The following P2RX1 variants were observed in gnomAD, a reference collection of about 807,000 sequenced individuals.
P2RX1 encodes the protein P2X purinoceptor 1.
P2RX1 carries 42 observed loss-of-function variants against 50.3 expected under a neutral mutation model. The observed-to-expected ratio is 0.83, with a 90% CI of 0.65 to 1.08. The LOEUF (loss-of-function observed/expected upper bound fraction) is 1.08. Among genes scored for constraint, P2RX1 ranks in the 50% least tolerant of loss-of-function variants. The probability of loss-of-function intolerance (pLI) is 0.00; values close to 1 mark genes in which losing one functional copy is unlikely to be tolerated. For synonymous variants in P2RX1, 199 were observed against 202.6 expected (o/e 0.98, Z 0.15); for missense variants, 449 against 529.0 (o/e 0.85, Z 1.48).
At chr17:3,898,340 T>C in intron 10 of P2RX1, 144 bp downstream of exon 10, 1 of 783,998 alleles carries the variant, frequency 1.3e-6, no homozygotes, top group Non-Finnish European at 2.2e-6. Context: ...TAGATCTATG[T>C]AGTTGGTGGG....
At chr17:3,898,613 G>A (rs1166778944) in intron 9 of P2RX1, 64 bp from the exon 10 acceptor site, 3 of 1,305,548 alleles carry the variant, frequency 2.3e-6, no homozygotes, top group Admixed American at 1.8e-5. Context: ...GAAAAGGCCG[G>A]ACCTGGGACA....
chr17:3,897,480 A>T lies in P2RX1; in HGVS notation c.*334T>A, dbSNP rs1025563407. ...ACATCGGAGAGCACAGATCTAGAGA[A>T]ATGGAGGCAGCGGGTTGGATAATGA... On this transcript the variant is annotated 3_prime_UTR_variant, in exon 12 of 12. Transcript: ENST00000225538. 4.2e-5 allele frequency: 19 copies of T among 456,532 alleles called. No homozygotes were observed. Among genetic ancestry groups the T allele is most frequent in the Non-Finnish European group, 7.7e-5 (19 of 246,684 alleles). 28.3% of individuals were successfully genotyped at this position (456,532 alleles called of 1,614,324 possible).
chr17:3,906,883 A>G (rs771165888), intron 1 of P2RX1, among the ~76,000 whole-genome samples: 1 of 152,208 alleles, frequency 6.6e-6, no homozygotes, highest in Admixed American at 6.5e-5. Flanking sequence ...AGTTTCAGCA[A>G]TGAGGCCAGG....
chr17:3,914,922 C>T lies in P2RX1; in HGVS notation c.137+1167G>A, dbSNP rs187632051. Among the ~76,000 whole-genome samples, 4 of 152,260 alleles carry T rather than the reference C, an allele frequency of 2.6e-5. No individual in the cohort carries two copies. The highest frequency in any genetic ancestry group is 3.9e-4 in the East Asian group (2 of 5,184). ...GGGTCTGGCCCTGGGTCCACCTGGC[C>T]GGCTCTGAGGTTCTGGGGACTGGTG... On this transcript the variant is annotated intron_variant, in intron 1 of 11. Transcript: ENST00000225538. This position sits in a 1 kb window ranked among gnomAD's most constrained non-coding sequence, Gnocchi z 4.1.
chr17:3,910,077 C>T (rs112090103), intron 1 of P2RX1, among the ~76,000 whole-genome samples: 5,020 of 149,348 alleles, frequency 0.034, 249 homozygotes, highest in African/African-American at 0.11. Flanking sequence ...CGGATTCAAG[C>T]GATTTTCCTG....
intron 4 of P2RX1, 48 bp downstream of exon 4, chr17:3,904,282 G>T: frequency 6.4e-7 from 1 of 1,562,084 alleles, no homozygotes; most frequent in Non-Finnish European, 8.8e-7. Context: ...AGGACGTCAG[G>T]GACCGCAGCC....
intron 1 of P2RX1, among the ~76,000 whole-genome samples, chr17:3,907,457 T>C (rs1458824130): frequency 6.6e-6 from 1 of 152,068 alleles, no homozygotes; most frequent in Non-Finnish European, 1.5e-5. Context: ...CTCAAAGCAA[T>C]GGACTCCCTG....
intron 1 of P2RX1, among the ~76,000 whole-genome samples, chr17:3,911,621 C>T (rs1215465244): frequency 6.6e-6 from 1 of 152,126 alleles, no homozygotes; most frequent in East Asian, 1.9e-4. Context: ...CCAGGCCCTC[C>T]CCTGCTAGAC....
chr17:3,915,645 C>G (rs536448535), intron 1 of P2RX1: 36 of 458,840 alleles, frequency 7.8e-5, no homozygotes, highest in African/African-American at 5.8e-4. Flanking sequence ...CTTGCTCAGG[C>G]AGGGAAGCTG....
rs1597532203 is a variant in P2RX1, at chr17:3,914,038, C to A, written c.137+2051G>T. 6.6e-6 allele frequency among the ~76,000 whole-genome samples: 1 copy of A among 152,170 alleles called. No individual in the cohort carries two copies. The highest frequency in any genetic ancestry group is 2.4e-5 in the African/African-American group (1 of 41,432). On this transcript the variant is annotated intron_variant, in intron 1 of 11. Coordinates refer to ENST00000225538, the MANE Select transcript of P2RX1 (RefSeq NM_002558.4). The surrounding 1 kb of genome is among the most constrained non-coding windows in gnomAD (Gnocchi z 4.1). ...ACGAGGGCGCAAGAGACAGCAGGCA[C>A]CACAGCCTGAGCAGGAGCTGGAAGC...
Position 3,904,945 on chromosome 17 carries a change from AG to A in P2RX1, c.286-17del. The A allele has an allele frequency of 1.3e-5, 2 of 148,798 alleles. No homozygotes were observed. Among genetic ancestry groups the A allele is most frequent in the Non-Finnish European group, 2.7e-5 (2 of 73,258 alleles). 9.2% of individuals were successfully genotyped at this position (148,798 alleles called of 1,614,324 possible). A position where few individuals can be genotyped will look rare whatever the true frequency, so the allele number is the denominator to read the frequency against. On this transcript the variant is annotated splice_polypyrimidine_tract_variant and intron_variant, in intron 2 of 11. Transcript: ENST00000225538. ...AGTTGTCCCCCTAGAAGTGAGGGGC[AG>A]GGGGAGGGTGGGGTGGGCTGGGAGC...
rs139938099 is a variant in P2RX1, at chr17:3,916,100, G to A, written c.126C>T (p.Val42=). Residue 42 remains valine (V), a synonymous_variant, in exon 1 of 12, where the codon GTC becomes GTT. Transcript: ENST00000225538. The stretch of plus-strand genomic sequence containing the variant: ...GCGCCCGGACTCACCCGATGACGTA[G>A]ACCAGGACCACCAGCTGGATCAGTC... ...IFRLIQLVVL[V]YVIGWVFLYE... is the part of the protein sequence containing the mutation. The A allele has an allele frequency of 1.2e-6, 2 of 1,613,554 alleles. No individual in the cohort carries two copies. The highest frequency in any genetic ancestry group is 2.7e-5 in the African/African-American group (2 of 75,052).
intron 9 of P2RX1, 152 bp from the exon 10 acceptor site, chr17:3,898,701 C>T: frequency 1.3e-6 from 1 of 755,386 alleles, no homozygotes; most frequent in South Asian, 1.5e-5. Context: ...GGTCAGTAGA[C>T]CTGGGTTTTG....
At chr17:3,913,153 A>G (rs1200373249) in intron 1 of P2RX1, among the ~76,000 whole-genome samples, 2 of 136,588 alleles carry the variant, frequency 1.5e-5, no homozygotes, top group Non-Finnish European at 3.1e-5. Flanking sequence ...TTTTTTTGAG[A>G]TGGAGTCTCA....
chr17:3,913,129 C>T (rs1217411869), intron 1 of P2RX1, among the ~76,000 whole-genome samples: 1 of 144,938 alleles, frequency 6.9e-6, no homozygotes, highest in Admixed American at 6.9e-5. Flanking sequence ...TAACTGAGAC[C>T]ATCTTTTTTT....
rs1597506289 is a variant in P2RX1, at chr17:3,897,384, G to A, written c.*430C>T. On this transcript the variant is annotated 3_prime_UTR_variant, in exon 12 of 12. Transcript: ENST00000225538. ...CAGTTGAAATGTGGCTAGTTCAGCC[G>A]AGGAATTGAATTTTGTGTTTCATTC... The A allele has an allele frequency of 2.2e-5, 6 of 268,844 alleles. No individual in the cohort carries two copies. The highest frequency in any genetic ancestry group is 9.2e-5 in the Admixed American group (2 of 21,786). 16.7% of individuals were successfully genotyped at this position (268,844 alleles called of 1,614,324 possible).
chr17:3,904,016 T>A lies in P2RX1; in HGVS notation c.436A>T (p.Thr146Ser). ...TCGTTGAAGGCCACACACTTGCCCG[T>A]GCGGATGCCTGGAGCCAGAGGGAAA... ...KAKRKAQGIRTGKCVAFNDTV... is the reference protein window; with the variant it reads ...KAKRKAQGIRSGKCVAFNDTV... The change falls in exon 5 of 12, where the codon ACG becomes TCG. Residue 146 changes from threonine to serine, a missense_variant. By Grantham distance (58) the Thr-to-Ser change is moderately conservative. Coordinates refer to ENST00000225538, the MANE Select transcript of P2RX1 (RefSeq NM_002558.4). 1.2e-6 allele frequency: 2 copies of A among 1,613,876 alleles called. No individual in the cohort carries two copies. Among genetic ancestry groups the A allele is most frequent in the Non-Finnish European group, 1.7e-6 (2 of 1,179,872 alleles).
Position 3,903,775 on chromosome 17 carries a change from C to T in P2RX1, c.525-144G>A, listed in dbSNP as rs549196309. 357 of 1,107,156 alleles carry T rather than the reference C, an allele frequency of 3.2e-4. No homozygotes were observed. Among genetic ancestry groups the T allele is most frequent in the Non-Finnish European group, 4.4e-4 (326 of 735,068 alleles). 68.6% of individuals were successfully genotyped at this position (1,107,156 alleles called of 1,614,324 possible). Reference sequence around the variant, plus strand: ...TGGTGGAGGGGTGGGTGTGCTCTAGCGTGGCCAGGACCCAGGGGAATCTTC... The same window carrying T: ...TGGTGGAGGGGTGGGTGTGCTCTAGTGTGGCCAGGACCCAGGGGAATCTTC... On this transcript the variant is annotated intron_variant, in intron 5 of 11. Transcript: ENST00000225538. This position sits in a 1 kb window ranked among gnomAD's most constrained non-coding sequence, Gnocchi z 4.6.
chr17:3,912,523 T>G (rs1047904155), intron 1 of P2RX1, among the ~76,000 whole-genome samples: 1 of 151,660 alleles, frequency 6.6e-6, no homozygotes, highest in African/African-American at 2.4e-5. Flanking sequence ...TAGAGATGGG[T>G]TTTCACCATG....
Sources: gnomAD v4.1 joint callset for allele counts (sites outside exome capture counted in the v4.1 genomes callset) on GRCh38, gnomAD v4.1.1 for gene constraint, Gnocchi (gnomAD v3.1) non-coding constraint, MANE v1.5 for transcripts, NCBI Gene and HGNC (gene_info 2026-07-23, HGNC 2026-07-21) for gene names.